Variants in DMD observed in about 807,000 individuals in gnomAD.
DMD encodes the protein dystrophin.
Under a neutral mutation model 330.1 loss-of-function variants are expected in DMD, and 63 were observed. The ratio of observed to expected loss-of-function variants is 0.19; its 90% CI spans 0.16 to 0.24. The LOEUF is 0.24. Ranked by LOEUF, DMD falls within the 10% of genes least tolerant of loss-of-function variation. The pLI, the probability that DMD is intolerant of heterozygous loss-of-function variation, is 1.00. For synonymous variants in DMD, 1,223 were observed against 959.8 expected (o/e 1.27, Z -5.07); for missense variants, 3,344 against 2,684.1 (o/e 1.25, Z -5.43).
At chrX:31,430,213 A>C (rs1344345372) in intron 60 of DMD, among the ~76,000 whole-genome samples, 1 of 111,559 alleles carries the variant, frequency 9.0e-6, no homozygotes, top group Non-Finnish European at 1.9e-5. Context: ...TATGCAGAGG[A>C]GGGTAGATCC....
intron 1 of DMD, among the ~76,000 whole-genome samples, chrX:33,155,410 G>A (rs2048462914): frequency 1.8e-5 from 2 of 108,678 alleles, no homozygotes; most frequent in African/African-American, 6.7e-5. Flanking sequence ...CCGCCTCCCA[G>A]ATTCAAGCGA....
chrX:32,059,051 G>A (rs1394373500), intron 44 of DMD, among the ~76,000 whole-genome samples: 1 of 111,067 alleles, frequency 9.0e-6, no homozygotes, highest in Admixed American at 9.6e-5. Context: ...CAAAATTATA[G>A]AAACAGAAAG....
At chrX:31,694,784 G>A in intron 52 of DMD, among the ~76,000 whole-genome samples, 1 of 108,203 alleles carries the variant, frequency 9.2e-6, no homozygotes, top group Non-Finnish European at 1.9e-5. Flanking sequence ...TGTTCATGAG[G>A]ATACAGAGAA....
At chrX:31,457,162 G>C (rs1479939341) in intron 59 of DMD, among the ~76,000 whole-genome samples, 2 of 110,158 alleles carry the variant, frequency 1.8e-5, no homozygotes, top group Non-Finnish European at 3.8e-5. Context: ...ATCTCAAGTA[G>C]ATCAGTATAA....
rs188248027 is a variant in DMD at position 31,939,879 on chromosome X, A to G, written c.6615-7652T>C. ...TTCTCCCTACTGACAAACTACCTTGACAAATTTTGCTGGGGAAAAAACAAT... is the reference window on the plus strand; with the variant it reads ...TTCTCCCTACTGACAAACTACCTTGGCAAATTTTGCTGGGGAAAAAACAAT... On this transcript the variant is annotated intron_variant, in intron 45 of 78. Transcript: ENST00000357033. Among the ~76,000 whole-genome samples the G allele has an allele frequency of 2.0e-3, 225 of 111,983 alleles. 2 individuals carry two copies. Among genetic ancestry groups the G allele is most frequent in the African/African-American group, 6.9e-3 (212 of 30,875 alleles).
intron 60 of DMD, among the ~76,000 whole-genome samples, chrX:31,399,307 A>G (rs1327788859): frequency 2.7e-5 from 3 of 109,356 alleles, no homozygotes; most frequent in Non-Finnish European, 5.7e-5. Flanking sequence ...ACTCCTCTCC[A>G]AAGCTATGCT....
At position 31,517,803 on chromosome X, in the gene DMD, G is replaced by A. The variant is rs761732950; in HGVS notation, c.8218-10350C>T. Among the ~76,000 whole-genome samples the A allele has an allele frequency of 6.3e-5, 7 of 110,946 alleles. No homozygotes were observed. In the South Asian group the frequency reaches 2.7e-3, roughly 43 times the overall value. On this transcript the variant is annotated intron_variant, in intron 55 of 78. Coordinates refer to ENST00000357033, the MANE Select transcript of DMD (RefSeq NM_004006.3). ...TCCATCCTTCTCTTGTCCTACCTTT[G>A]GAAGGTAGAATTCAGGAAAGTGATA...
chrX:32,562,434 G>A (rs999358827), intron 16 of DMD, among the ~76,000 whole-genome samples: 1 of 112,452 alleles, frequency 8.9e-6, no homozygotes, highest in East Asian at 2.8e-4. Flanking sequence ...AATCATACGC[G>A]CAAGCAGTGT....
At chrX:32,054,971 C>T (rs1428175821) in intron 44 of DMD, among the ~76,000 whole-genome samples, 1 of 110,042 alleles carries the variant, frequency 9.1e-6, no homozygotes, top group Non-Finnish European at 1.9e-5. Context: ...TTTCTACTTC[C>T]AAAATCTAGT....
chrX:32,860,709 C>A (rs1234664519), intron 2 of DMD, among the ~76,000 whole-genome samples: 1 of 110,383 alleles, frequency 9.1e-6, no homozygotes, highest in East Asian at 2.9e-4. Context: ...TGTCACAAAC[C>A]GAACATATTT....
chrX:32,550,663 A>C (rs1342135905), intron 16 of DMD, among the ~76,000 whole-genome samples: 1 of 110,993 alleles, frequency 9.0e-6, no homozygotes, highest in Non-Finnish European at 1.9e-5. Context: ...TGAGATGCAA[A>C]AAAGCACAGA....
At chrX:32,940,040 A>T (rs757736185) in intron 2 of DMD, among the ~76,000 whole-genome samples, 2 of 112,009 alleles carry the variant, frequency 1.8e-5, no homozygotes, top group Admixed American at 9.5e-5. Flanking sequence ...ACTAAAATTC[A>T]TATAGAACCA....
At chrX:31,659,639 G>GGAAAA (rs1829079513) in intron 53 of DMD, among the ~76,000 whole-genome samples, 2 of 39,982 alleles carry the variant, frequency 5.0e-5, no homozygotes, top group Non-Finnish European at 9.5e-5. Context: ...CTCCATCTCG[G>GGAAAA]AAAAAAAAAA....
intron 44 of DMD, among the ~76,000 whole-genome samples, chrX:32,093,449 A>G (rs1488599740): frequency 8.9e-6 from 1 of 112,308 alleles, no homozygotes; most frequent in East Asian, 2.8e-4. Flanking sequence ...GAAGCTCAAA[A>G]GCCTTCAGCT....
chrX:32,477,417 T>A (rs1023513248), intron 21 of DMD, among the ~76,000 whole-genome samples: 2 of 110,069 alleles, frequency 1.8e-5, no homozygotes, highest in African/African-American at 3.3e-5. Flanking sequence ...AAAAAAGAAG[T>A]TTTCTGCACC....
chrX:32,844,406 CA>C (rs113585554), intron 4 of DMD, among the ~76,000 whole-genome samples: 16,441 of 73,424 alleles, frequency 0.22, 1,534 homozygotes, highest in East Asian at 0.37. Context: ...GACTCCATCT[CA>C]AAAAAAAAAA....
intron 50 of DMD, among the ~76,000 whole-genome samples, chrX:31,799,183 G>A (rs775506295): frequency 8.9e-6 from 1 of 111,980 alleles, no homozygotes; most frequent in Non-Finnish European, 1.9e-5. Flanking sequence ...TCATTCCCAG[G>A]TAATGGGGAT....
chrX:32,842,064 CT>C (rs746482577), intron 4 of DMD, among the ~76,000 whole-genome samples: 1 of 112,107 alleles, frequency 8.9e-6, no homozygotes, highest in Non-Finnish European at 1.9e-5. Flanking sequence ...TATAAATTTC[CT>C]TCTATATGTT....
intron 2 of DMD, among the ~76,000 whole-genome samples, chrX:32,893,524 G>T (rs1404715697): frequency 8.9e-6 from 1 of 111,935 alleles, no homozygotes; most frequent in African/African-American, 3.2e-5. Flanking sequence ...TTCCTCCTCA[G>T]TAATTTACTC....
Sources: gnomAD v4.1 joint callset for allele counts (sites outside exome capture counted in the v4.1 genomes callset) on GRCh38, gnomAD v4.1.1 for gene constraint, MANE v1.5 for transcripts, NCBI Gene and HGNC (gene_info 2026-07-23, HGNC 2026-07-21) for gene names.